The following RELN variants were observed in gnomAD, a reference collection of about 807,000 sequenced individuals.
RELN encodes reelin.
Under a neutral mutation model 427.6 loss-of-function variants are expected in RELN, and 108 were observed. That is an observed-to-expected ratio of 0.25 (90% CI 0.22 to 0.30). The LOEUF is 0.30. RELN is among the 10% of genes least tolerant of loss of function. The pLI is 1.00. For missense variants in RELN, 3,715 were observed against 4,302.8 expected, an observed-to-expected ratio of 0.86 and a Z score of 3.82; for synonymous variants, 1,524 against 1,513.4, an observed-to-expected ratio of 1.01 and a Z score of -0.16.
At position 103,494,365 on chromosome 7, in the gene RELN, T is replaced by TTGTGTGTGTGTGTGTGTGTG. The variant is rs58533286; in HGVS notation, c.9369+1338_9369+1357dup. Among the ~76,000 whole-genome samples the TTGTGTGTGTGTGTGTGTGTG allele has an allele frequency of 4.3e-3, 506 of 118,290 alleles. 4 individuals are homozygous for TTGTGTGTGTGTGTGTGTGTG. Among genetic ancestry groups the TTGTGTGTGTGTGTGTGTGTG allele is most frequent in the East Asian group, 0.018 (76 of 4,330 alleles). The allele number at this position is 118,290 out of a possible 152,430, so 77.6% of individuals were successfully genotyped here. A position where few individuals can be genotyped will look rare whatever the true frequency, so the allele number is the denominator to read the frequency against. Reference sequence around the variant, plus strand: ...ATACAATACATTTCTGTAATGACTTTTGTGTGTGTGTGTGTGTGTGTGTGT... The same window carrying TTGTGTGTGTGTGTGTGTGTG: ...ATACAATACATTTCTGTAATGACTTTTGTGTGTGTGTGTGTGTGTGTGTGTGTGTGTGTGTGTGTGTGTGT... On this transcript the variant is annotated intron_variant, in intron 57 of 64. Transcript: ENST00000428762.
intron 1 of RELN, among the ~76,000 whole-genome samples, chr7:103,958,799 T>C (rs982790804): frequency 2.6e-4 from 40 of 152,126 alleles, no homozygotes; most frequent in Non-Finnish European, 2.2e-4. Context: ...TCAGAAACAT[T>C]AGACTTTATA....
At chr7:103,705,880 C>T (rs1338066027) in intron 8 of RELN, among the ~76,000 whole-genome samples, 1 of 152,140 alleles carries the variant, frequency 6.6e-6, no homozygotes, top group Non-Finnish European at 1.5e-5. Flanking sequence ...AAGAAAAGTA[C>T]CTAGACAACA....
In RELN at chr7:103,916,452, G is replaced by C. The variant is rs570319960; in HGVS notation, c.337+623C>G. On this transcript the variant is annotated intron_variant, in intron 2 of 64. Transcript: ENST00000428762. Reference sequence around the variant, plus strand: ...GATCTACTTAATCCCAGCCTGGCATGTTTAACAGCATTATGGGTAAACTAG... The same window carrying C: ...GATCTACTTAATCCCAGCCTGGCATCTTTAACAGCATTATGGGTAAACTAG... Among the ~76,000 whole-genome samples, 20 of 152,228 alleles carry C rather than the reference G, an allele frequency of 1.3e-4. 1 individual carries two copies. The highest frequency in any genetic ancestry group is 4.8e-4 in the African/African-American group (20 of 41,548).
At chr7:103,980,719 C>T (rs1796975915) in intron 1 of RELN, among the ~76,000 whole-genome samples, 1 of 152,158 alleles carries the variant, frequency 6.6e-6, no homozygotes, top group Admixed American at 6.5e-5. Flanking sequence ...AAGCATTTAG[C>T]TCAGTGCCTG....
At chr7:103,769,955 ATT>A (rs1791522642) in intron 4 of RELN, among the ~76,000 whole-genome samples, 1 of 152,190 alleles carries the variant, frequency 6.6e-6, no homozygotes, top group South Asian at 2.1e-4. Flanking sequence ...CTCATGGTAG[ATT>A]TATTGAGATA....
chr7:103,691,407 CTCT>C (rs1263289505), intron 10 of RELN, among the ~76,000 whole-genome samples: 7 of 152,130 alleles, frequency 4.6e-5, no homozygotes, highest in African/African-American at 1.7e-4. Context: ...GTTTATTTTT[CTCT>C]TTTCTATTTG....
intron 36 of RELN, among the ~76,000 whole-genome samples, chr7:103,560,448 A>G (rs1361057465): frequency 6.6e-6 from 1 of 152,168 alleles, no homozygotes; most frequent in African/African-American, 2.4e-5. Flanking sequence ...ATAAAACATT[A>G]TGCATCTTTC....
intron 9 of RELN, among the ~76,000 whole-genome samples, chr7:103,700,709 T>A (rs1414035149): frequency 6.6e-6 from 1 of 152,144 alleles, no homozygotes; most frequent in African/African-American, 2.4e-5. Flanking sequence ...GGGAGGAAGT[T>A]CTGAATGGAA....
At chr7:103,907,188 C>T (rs1286740513) in intron 2 of RELN, among the ~76,000 whole-genome samples, 5 of 150,956 alleles carry the variant, frequency 3.3e-5, no homozygotes, top group Non-Finnish European at 5.9e-5. Flanking sequence ...GAGGCCGAGG[C>T]GGTTGGATCA....
rs71154371 is a variant in RELN at position 103,817,937 on chromosome 7, CAAAAAAAAAA to C, written c.473+15590_473+15599del. On this transcript the variant is annotated intron_variant, in intron 3 of 64. Transcript: ENST00000428762. The stretch of plus-strand genomic sequence containing the variant: ...TGGGTGACAGAGTAAGACTCCATCT[CAAAAAAAAAA>C]AAAAAAAAAAAAAAGAAAAGAAAAA... Among the ~76,000 whole-genome samples the C allele has an allele frequency of 8.3e-5, 3 of 36,020 alleles. No individual in the cohort carries two copies. The Admixed American group carries it at 1.3e-3, about 15-fold the overall frequency. The allele number at this position is 36,020 out of a possible 152,430, so 23.6% of individuals were successfully genotyped here. A position where few individuals can be genotyped will look rare whatever the true frequency, so the allele number is the denominator to read the frequency against.
At chr7:103,753,239 A>G (rs775924045) in intron 4 of RELN, 25 bp from the exon 5 acceptor site, 2 of 1,613,764 alleles carry the variant, frequency 1.2e-6, no homozygotes, top group Non-Finnish European at 1.7e-6. Flanking sequence ...GAAAGAAGAA[A>G]GACAACTGAT....
At chr7:103,474,312 T>C (rs935865124) in intron 64 of RELN, among the ~76,000 whole-genome samples, 2 of 151,952 alleles carry the variant, frequency 1.3e-5, no homozygotes, top group Admixed American at 1.3e-4. Flanking sequence ...ACATATTTTA[T>C]AAAATAAAAA....
In RELN at chr7:103,593,800, T is replaced by C; in HGVS notation, c.3794A>G (p.Lys1265Arg). The change falls in exon 27 of 65, where the codon AAA becomes AGA. Residue 1265 changes from lysine to arginine, a missense_variant. Lys to Arg is a conservative substitution (Grantham distance 26). Around this residue, in one of 4 missense-constraint regions of RELN, gnomAD observed 2,208 missense variants for 2,361.7 expected, o/e 0.93. Coordinates refer to ENST00000428762, the MANE Select transcript of RELN (RefSeq NM_005045.4). ...TGTGGCAGCACAGAAGGTTTCATTTTTAACCATTCCTTCATTAGCCAACAT... is the reference window on the plus strand; with the variant it reads ...TGTGGCAGCACAGAAGGTTTCATTTCTAACCATTCCTTCATTAGCCAACAT... ...WLMLANEGMVKNETFCAATPS... is the reference protein window; with the variant it reads ...WLMLANEGMVRNETFCAATPS... The C allele has an allele frequency of 6.2e-7, 1 of 1,614,014 alleles. No individual in the cohort carries two copies. Among genetic ancestry groups the C allele is most frequent in the Non-Finnish European group, 8.5e-7 (1 of 1,179,916 alleles).
At chr7:103,985,436 C>T (rs563678844) in intron 1 of RELN, among the ~76,000 whole-genome samples, 1 of 152,168 alleles carries the variant, frequency 6.6e-6, no homozygotes, top group Admixed American at 6.5e-5. Context: ...TGGGTAGACT[C>T]ATTTACTTAA....
At chr7:103,897,633 A>T (rs1011990334) in intron 2 of RELN, among the ~76,000 whole-genome samples, 1 of 152,084 alleles carries the variant, frequency 6.6e-6, no homozygotes, top group Non-Finnish European at 1.5e-5. Flanking sequence ...AAGAAATCTT[A>T]TTTTAAAATT....
chr7:103,912,196 T>C (rs1267496532), intron 2 of RELN, among the ~76,000 whole-genome samples: 2 of 149,102 alleles, frequency 1.3e-5, no homozygotes, highest in Non-Finnish European at 2.9e-5. Context: ...TTTTGTCACT[T>C]TAAGCTTTTT....
intron 28 of RELN, among the ~76,000 whole-genome samples, chr7:103,580,730 T>C (rs1831111878): frequency 6.6e-6 from 1 of 152,192 alleles, no homozygotes; most frequent in African/African-American, 2.4e-5. Flanking sequence ...CTCACCTTCC[T>C]CCCAAACTTC....
chr7:103,563,075 C>T lies in RELN; in HGVS notation c.5211-1122G>A, dbSNP rs1202942741. 6.6e-6 allele frequency among the ~76,000 whole-genome samples: 1 copy of T among 152,190 alleles called. No individual in the cohort carries two copies. The highest frequency in any genetic ancestry group is 1.5e-5 in the Non-Finnish European group (1 of 68,030). On this transcript the variant is annotated intron_variant, in intron 34 of 64. Coordinates refer to ENST00000428762, the MANE Select transcript of RELN (RefSeq NM_005045.4). This position sits in a 1 kb window ranked among gnomAD's most constrained non-coding sequence, Gnocchi z 4.1. ...TACTCAGAGTCAGCTGAGACATCAA[C>T]TCCTTCAGAAAGCTCCCTCCAGTTC...
intron 38 of RELN, among the ~76,000 whole-genome samples, chr7:103,556,363 G>T (rs572055703): frequency 4.6e-5 from 7 of 151,882 alleles, no homozygotes; most frequent in African/African-American, 1.7e-4. Context: ...CTCTGTAACA[G>T]AATTCAGCTA....
Sources: gnomAD v4.1 joint callset for allele counts (sites outside exome capture counted in the v4.1 genomes callset) on GRCh38, gnomAD v4.1.1 for gene constraint, gnomAD v4.1.1 regional missense constraint, Gnocchi (gnomAD v3.1) non-coding constraint, MANE v1.5 for transcripts, NCBI Gene and HGNC (gene_info 2026-07-23, HGNC 2026-07-21) for gene names.